The following RABGAP1L variants were observed in gnomAD, a reference collection of about 807,000 sequenced individuals.
RABGAP1L encodes rab GTPase-activating protein 1-like.
A neutral mutation model predicts 137.7 loss-of-function variants in RABGAP1L; 63 were observed. The observed-to-expected ratio is 0.46, with a 90% CI of 0.37 to 0.56. The LOEUF is 0.56. RABGAP1L is among the 20% of genes least tolerant of loss of function. The probability of loss-of-function intolerance (pLI) is 0.00; values close to 1 mark genes in which losing one functional copy is unlikely to be tolerated. For missense variants in RABGAP1L, 1,095 were observed against 1,244.0 expected, an observed-to-expected ratio of 0.88 and a Z score of 1.80; for synonymous variants, 431 against 433.7, an observed-to-expected ratio of 0.99 and a Z score of 0.08.
chr1:174,562,684 A>G (rs536254335), intron 13 of RABGAP1L, among the ~76,000 whole-genome samples: 8 of 152,320 alleles, frequency 5.3e-5, no homozygotes, highest in African/African-American at 1.9e-4. Context: ...ATAAAAAAGG[A>G]TGAGTTCATG....
chr1:174,303,356 T>C (rs773116272), intron 10 of RABGAP1L, among the ~76,000 whole-genome samples: 1 of 152,158 alleles, frequency 6.6e-6, no homozygotes, highest in Non-Finnish European at 1.5e-5. Context: ...GCCTCAGGTC[T>C]GGTTTCCTCA....
At chr1:174,230,156 C>T (rs1387598373) in intron 3 of RABGAP1L, among the ~76,000 whole-genome samples, 3 of 150,594 alleles carry the variant, frequency 2.0e-5, no homozygotes, top group East Asian at 3.9e-4. Context: ...GACAAAAAAC[C>T]AAACACCGCA....
intron 19 of RABGAP1L, among the ~76,000 whole-genome samples, chr1:174,859,922 C>T (rs1320722823): frequency 1.4e-5 from 2 of 142,608 alleles, no homozygotes; most frequent in African/African-American, 5.3e-5. Context: ...TGTTAAACTT[C>T]AGTAGACTTG....
intron 1 of RABGAP1L, among the ~76,000 whole-genome samples, chr1:174,213,854 G>C (rs892264464): frequency 7.9e-5 from 12 of 152,164 alleles, no homozygotes; most frequent in African/African-American, 2.9e-4. Flanking sequence ...CATAATAAAA[G>C]CCATGTATGA....
chr1:174,741,198 A>G (rs954780352), intron 17 of RABGAP1L, among the ~76,000 whole-genome samples: 4 of 151,512 alleles, frequency 2.6e-5, no homozygotes, highest in African/African-American at 9.7e-5. Flanking sequence ...TTCTTCTAAT[A>G]TTTCTATAGT....
chr1:174,945,720 G>T (rs1049580285), intron 19 of RABGAP1L: 1 of 152,140 alleles, frequency 6.6e-6, no homozygotes, highest in Non-Finnish European at 1.5e-5. Context: ...GATGCAGTGG[G>T]AACAGAAAGA....
At chr1:174,642,482 T>TA (rs953399888) in intron 14 of RABGAP1L, among the ~76,000 whole-genome samples, 1 of 152,034 alleles carries the variant, frequency 6.6e-6, no homozygotes, top group African/African-American at 2.4e-5. Flanking sequence ...ACATAGGGGG[T>TA]ATTTGTGATT....
intron 13 of RABGAP1L, 77 bp downstream of exon 13, chr1:174,394,222 G>A: frequency 6.6e-7 from 1 of 1,513,808 alleles, no homozygotes; most frequent in South Asian, 1.3e-5. Flanking sequence ...GCTCCCATAA[G>A]TCATAAATGC....
chr1:174,327,976 TATACAC>T (rs1315664994), intron 11 of RABGAP1L, among the ~76,000 whole-genome samples: 123 of 30,678 alleles, frequency 4.0e-3, no homozygotes, highest in Middle Eastern at 0.022. Flanking sequence ...TATATATATA[TATACAC>T]ACACATATAT....
chr1:174,952,637 C>T (rs1487692783), intron 19 of RABGAP1L, among the ~76,000 whole-genome samples: 1 of 151,970 alleles, frequency 6.6e-6, no homozygotes, highest in Non-Finnish European at 1.5e-5. Context: ...GTCACCTAGG[C>T]TGGAGTGCAG....
chr1:174,472,570 C>A (rs1046736453), intron 13 of RABGAP1L, among the ~76,000 whole-genome samples: 3 of 152,252 alleles, frequency 2.0e-5, no homozygotes, highest in African/African-American at 7.2e-5. Context: ...TGGAGGAAAC[C>A]AGGCACATAC....
At chr1:174,742,848 T>C (rs1419669023) in intron 17 of RABGAP1L, among the ~76,000 whole-genome samples, 2 of 152,206 alleles carry the variant, frequency 1.3e-5, no homozygotes, top group Non-Finnish European at 1.5e-5. Context: ...AATACTTCAG[T>C]GCTCTAATGT....
chr1:174,306,972 A>G (rs1330814562), intron 11 of RABGAP1L, among the ~76,000 whole-genome samples: 2 of 152,142 alleles, frequency 1.3e-5, no homozygotes, highest in Admixed American at 6.5e-5. Flanking sequence ...GTTTTTTTCT[A>G]TGATTGCCAT....
In RABGAP1L at chr1:174,653,109, C is replaced by T. The variant is rs765901739; in HGVS notation, c.1824+15621C>T. 3.3e-5 allele frequency among the ~76,000 whole-genome samples: 5 copies of T among 152,260 alleles called. No homozygotes were observed. In the South Asian group the frequency reaches 6.2e-4, roughly 19 times the overall value. On this transcript the variant is annotated intron_variant, in intron 14 of 25. Coordinates refer to ENST00000681986, the MANE Select transcript of RABGAP1L (RefSeq NM_001366446.1). The stretch of plus-strand genomic sequence containing the variant: ...TTTGTTTACACTGTGAGGGGAAAAC[C>T]GCCTACTCCAGCCTCAGTAATGGTG...
At position 174,718,242 on chromosome 1, in the gene RABGAP1L, T is replaced by C. The variant is rs137947017; in HGVS notation, c.2169+15986T>C. On this transcript the variant is annotated intron_variant, in intron 17 of 25. Coordinates refer to ENST00000681986, the MANE Select transcript of RABGAP1L (RefSeq NM_001366446.1). ...TCACCTAATTTCACCTGGGAAAATT[T>C]TTGAGATCCAATCAGGTTGAAGAAG... Among the ~76,000 whole-genome samples, 1,041 of 152,326 alleles carry C rather than the reference T, an allele frequency of 6.8e-3. 9 individuals carry two copies. The highest frequency in any genetic ancestry group is 0.013 in the Admixed American group (196 of 15,308).
rs1287580005 is a variant in RABGAP1L at position 174,675,604 on chromosome 1, A to G, written c.1825-7918A>G. Among the ~76,000 whole-genome samples, 3 of 152,120 alleles carry G rather than the reference A, an allele frequency of 2.0e-5. No homozygotes were observed. The East Asian group carries it at 5.8e-4, about 29-fold the overall frequency. ...TTTGGTTCCATATGAACTTTAAAGT[A>G]GTTTTTTCCAATTCTGTGAAGAAAG... On this transcript the variant is annotated intron_variant, in intron 14 of 25. Coordinates refer to ENST00000681986, the MANE Select transcript of RABGAP1L (RefSeq NM_001366446.1).
At chr1:174,790,582 C>A (rs1687774276) in intron 18 of RABGAP1L, among the ~76,000 whole-genome samples, 1 of 149,576 alleles carries the variant, frequency 6.7e-6, no homozygotes, top group South Asian at 2.1e-4. Flanking sequence ...TGCAGTGAGC[C>A]AAGATTGCGC....
intron 12 of RABGAP1L, among the ~76,000 whole-genome samples, chr1:174,380,964 G>C (rs1426518856): frequency 1.7e-5 from 2 of 116,188 alleles, no homozygotes; most frequent in African/African-American, 7.0e-5. Context: ...CTTTGAATGC[G>C]TCCCAGAGAT....
intron 13 of RABGAP1L, among the ~76,000 whole-genome samples, chr1:174,549,439 A>G (rs945696540): frequency 4.1e-4 from 62 of 152,206 alleles, no homozygotes; most frequent in African/African-American, 1.3e-3. Flanking sequence ...ACTGGATTTT[A>G]AACATTGGAA....
Sources: allele counts gnomAD v4.1 joint callset (sites outside exome capture counted in the v4.1 genomes callset), GRCh38; gene constraint gnomAD v4.1.1; transcripts MANE v1.5; gene names NCBI Gene and HGNC (gene_info 2026-07-23, HGNC 2026-07-21).